Variants in MAPKAPK5 observed in about 807,000 individuals in gnomAD.
MAPKAPK5 encodes MAPK activated protein kinase 5.
MAPKAPK5 carries 30 observed loss-of-function variants against 65.1 expected under a neutral mutation model. That is an observed-to-expected ratio of 0.46 (90% CI 0.34 to 0.63). The LOEUF is 0.63. MAPKAPK5 is among the 20% of genes least tolerant of loss of function. MAPKAPK5 has a pLI of 0.01. For missense variants in MAPKAPK5, 433 were observed against 581.4 expected, an observed-to-expected ratio of 0.74 and a Z score of 2.63; for synonymous variants, 179 against 204.6, an observed-to-expected ratio of 0.87 and a Z score of 1.07.
chr12:111,885,795 G>A (rs775380445), intron 9 of MAPKAPK5, 121 bp from the exon 10 acceptor site: 91 of 1,282,852 alleles, frequency 7.1e-5, no homozygotes, highest in Non-Finnish European at 9.5e-5. Context: ...CTCTGCAGGT[G>A]GAAAGCCCAG....
intron 7 of MAPKAPK5, among the ~76,000 whole-genome samples, chr12:111,875,057 G>A (rs571190099): frequency 1.4e-4 from 21 of 152,218 alleles, no homozygotes; most frequent in African/African-American, 4.3e-4. Flanking sequence ...GATTACAGGC[G>A]TGAGCCACTG....
intron 1 of MAPKAPK5, among the ~76,000 whole-genome samples, chr12:111,847,425 A>C (rs1027266195): frequency 1.3e-5 from 2 of 151,812 alleles, no homozygotes; most frequent in African/African-American, 4.8e-5. Flanking sequence ...ATCTTCTATT[A>C]CCTGTATCTC....
intron 2 of MAPKAPK5, among the ~76,000 whole-genome samples, chr12:111,865,554 C>T (rs1241916762): frequency 1.3e-5 from 2 of 152,116 alleles, no homozygotes; most frequent in African/African-American, 4.8e-5. Flanking sequence ...GATGTCGAGA[C>T]TGGCCAGGCG....
At position 111,896,762 on chromosome 12, in the gene MAPKAPK5, T is replaced by C. The variant is rs1339942147; in HGVS notation, c.*3701T>C. The C allele has an allele frequency of 1.3e-5, 2 of 152,238 alleles. No homozygotes were observed. The highest frequency in any genetic ancestry group is 2.9e-5 in the Non-Finnish European group (2 of 68,050). 9.4% of individuals were successfully genotyped at this position (152,238 alleles called of 1,614,324 possible). A position where few individuals can be genotyped will look rare whatever the true frequency, so the allele number is the denominator to read the frequency against. ...CACAGTTATAAAAGTCAGCTTGATG[T>C]AGTAAAAAAACTTGTCTCTCTCTGA... On this transcript the variant is annotated 3_prime_UTR_variant, in exon 14 of 14. Transcript: ENST00000550735.
At chr12:111,870,164 G>A (rs926146623) in intron 5 of MAPKAPK5, 107 bp from the exon 6 acceptor site, 14 of 560,460 alleles carry the variant, frequency 2.5e-5, no homozygotes, top group East Asian at 2.5e-4. Context: ...GAAAGTGAAC[G>A]CAGTCTTAAT....
At chr12:111,843,477 G>GT in intron 1 of MAPKAPK5, 1 of 389,012 alleles carries the variant, frequency 2.6e-6, no homozygotes, top group Non-Finnish European at 4.5e-6. Context: ...CTCAGGGCCA[G>GT]TTATCTGTCT....
rs1034294179 is a variant in MAPKAPK5, at chr12:111,899,543, A to G, written c.*6482A>G. 1 of 200,154 alleles carries G rather than the reference A, an allele frequency of 5.0e-6. No homozygotes were observed. Among genetic ancestry groups the G allele is most frequent in the Non-Finnish European group, 1.0e-5 (1 of 95,730 alleles). 12.4% of individuals were successfully genotyped at this position (200,154 alleles called of 1,614,324 possible). On this transcript the variant is annotated 3_prime_UTR_variant, in exon 14 of 14. Coordinates refer to ENST00000550735, the MANE Select transcript of MAPKAPK5 (RefSeq NM_003668.4). ...TGACAGTCCAGGGAGGAGATAGCCCAGTGGAAGGACTGTCCTACTTGTTAC... is the reference window on the plus strand; with the variant it reads ...TGACAGTCCAGGGAGGAGATAGCCCGGTGGAAGGACTGTCCTACTTGTTAC...
At chr12:111,860,388 C>G (rs2069397912) in intron 1 of MAPKAPK5, among the ~76,000 whole-genome samples, 1 of 152,192 alleles carries the variant, frequency 6.6e-6, no homozygotes, top group African/African-American at 2.4e-5. Context: ...ATGTGAAGAG[C>G]TTAACTCAGA....
chr12:111,842,854 A>C (rs1815252839), intron 1 of MAPKAPK5, 85 bp downstream of exon 1: 4 of 1,216,026 alleles, frequency 3.3e-6, no homozygotes, highest in South Asian at 4.1e-5. Flanking sequence ...GAGATTTTGC[A>C]GTGAGAGGTT....
At chr12:111,882,248 C>T (rs533069265) in intron 8 of MAPKAPK5, among the ~76,000 whole-genome samples, 6 of 152,268 alleles carry the variant, frequency 3.9e-5, no homozygotes, top group Admixed American at 1.3e-4. Flanking sequence ...GGTGTGGTGG[C>T]GGGCGCCTGT....
intron 10 of MAPKAPK5, among the ~76,000 whole-genome samples, chr12:111,886,759 G>A (rs1008882550): frequency 6.6e-5 from 10 of 152,226 alleles, no homozygotes; most frequent in Admixed American, 5.2e-4. Flanking sequence ...CAGCTGAGAG[G>A]CCATAGTAGC....
rs1208152170 is a variant in MAPKAPK5, at chr12:111,893,116, T to C, written c.*55T>C. ...ATTTGAAAAATTATTCTTTAATGTA[T>C]AAAGTAATTTTATGTAAATTAATAA... is the stretch of plus-strand genomic sequence containing the variant. On this transcript the variant is annotated 3_prime_UTR_variant, in exon 14 of 14. Transcript: ENST00000550735. The C allele has an allele frequency of 8.1e-6, 10 of 1,229,764 alleles. No homozygotes were observed. Among genetic ancestry groups the C allele is most frequent in the Non-Finnish European group, 1.0e-5 (9 of 881,614 alleles). 76.2% of individuals were successfully genotyped at this position (1,229,764 alleles called of 1,614,324 possible).
At chr12:111,845,630 A>G (rs114748820) in intron 1 of MAPKAPK5, among the ~76,000 whole-genome samples, 1 of 152,250 alleles carries the variant, frequency 6.6e-6, no homozygotes, top group African/African-American at 2.4e-5. Flanking sequence ...TGTGCTTATA[A>G]TAATACCTAG....
intron 1 of MAPKAPK5, among the ~76,000 whole-genome samples, chr12:111,851,113 G>T (rs1042591346): frequency 6.6e-6 from 1 of 152,086 alleles, no homozygotes; most frequent in East Asian, 1.9e-4. Flanking sequence ...GGCCAGGCTG[G>T]TCTTGAACTC....
At chr12:111,887,040 CTT>C (rs1297680481) in intron 10 of MAPKAPK5, among the ~76,000 whole-genome samples, 1 of 151,946 alleles carries the variant, frequency 6.6e-6, no homozygotes, top group Non-Finnish European at 1.5e-5. Flanking sequence ...GAGAGGGAGT[CTT>C]TTAGGTTTTA....
chr12:111,867,550 C>CAAA lies in MAPKAPK5; in HGVS notation c.187-21_187-20insAAA, dbSNP rs779916905. Reference sequence around the variant, plus strand: ...TGTTGGTATCCCCTACCTATTGATACATTTCCTCTGTTCTCTTTAAGGTAC... The same window carrying CAAA: ...TGTTGGTATCCCCTACCTATTGATACAAAATTTCCTCTGTTCTCTTTAAGGTAC... On this transcript the variant is annotated intron_variant, in intron 3 of 13. Transcript: ENST00000550735. 1.8e-3 allele frequency: 2,822 copies of CAAA among 1,584,340 alleles called. 2 individuals are homozygous for CAAA. The highest frequency in any genetic ancestry group is 2.0e-3 in the Non-Finnish European group (2,270 of 1,153,182).
At chr12:111,850,981 C>T (rs941128019) in intron 1 of MAPKAPK5, among the ~76,000 whole-genome samples, 17 of 151,200 alleles carry the variant, frequency 1.1e-4, no homozygotes, top group African/African-American at 3.7e-4. Flanking sequence ...TCACTGCAAG[C>T]TCTGCCTCCT....
intron 6 of MAPKAPK5, among the ~76,000 whole-genome samples, chr12:111,870,768 C>T (rs3891646): frequency 0.011 from 1,743 of 152,100 alleles, 33 homozygotes; most frequent in African/African-American, 0.04. Flanking sequence ...AAGTAGCATC[C>T]CAGATTGATG....
intron 1 of MAPKAPK5, among the ~76,000 whole-genome samples, chr12:111,854,842 T>C (rs2069185341): frequency 6.6e-6 from 1 of 152,212 alleles, no homozygotes; most frequent in Non-Finnish European, 1.5e-5. Flanking sequence ...TGGCTCAAAA[T>C]GTCAGTGGTG....
Sources: allele counts gnomAD v4.1 joint callset (sites outside exome capture counted in the v4.1 genomes callset), GRCh38; gene constraint gnomAD v4.1.1; transcripts MANE v1.5; gene names NCBI Gene and HGNC (gene_info 2026-07-23, HGNC 2026-07-21).